Variants in OTOGL observed in about 807,000 individuals in gnomAD.
OTOGL encodes otogelin-like protein.
In OTOGL, 285 loss-of-function variants were observed where a neutral mutation model predicts 318.5. The observed-to-expected ratio is 0.89, with a 90% CI of 0.81 to 0.99. OTOGL has a LOEUF of 0.99. OTOGL is among the 50% of genes least tolerant of loss of function. The pLI is 0.00. For synonymous variants in OTOGL, 987 were observed against 936.5 expected, an observed-to-expected ratio of 1.05 and a Z score of -0.99; for missense variants, 2,899 against 2,845.6, an observed-to-expected ratio of 1.02 and a Z score of -0.43.
chr12:80,209,872 C>G (rs1043268075), intron 2 of OTOGL, among the ~76,000 whole-genome samples: 5 of 151,870 alleles, frequency 3.3e-5, no homozygotes, highest in Non-Finnish European at 7.4e-5. Context: ...CTTTTTTCTT[C>G]TAAAAGATGA....
At chr12:80,270,495 A>G (rs1283860635) in intron 23 of OTOGL, among the ~76,000 whole-genome samples, 16 of 152,120 alleles carry the variant, frequency 1.1e-4, no homozygotes, top group Admixed American at 1.0e-3. Context: ...TGGGACAGAA[A>G]TTGGGAAAAT....
At chr12:80,124,931 A>G (rs201392269) in intron 1 of OTOGL, among the ~76,000 whole-genome samples, 1 of 152,144 alleles carries the variant, frequency 6.6e-6, no homozygotes, top group Non-Finnish European at 1.5e-5. Flanking sequence ...GCTGAAGGAG[A>G]TTTTGGGCTG....
chr12:80,146,482 G>T (rs1406677076), intron 1 of OTOGL, among the ~76,000 whole-genome samples: 3 of 151,704 alleles, frequency 2.0e-5, no homozygotes, highest in Non-Finnish European at 4.4e-5. Context: ...GAGGATTTTT[G>T]CATCAATATT....
At chr12:80,360,509 G>T (rs1341886149) in intron 52 of OTOGL, among the ~76,000 whole-genome samples, 7 of 142,160 alleles carry the variant, frequency 4.9e-5, no homozygotes, top group Non-Finnish European at 9.0e-5. Flanking sequence ...TTTCTTTCTT[G>T]TCTTGCTCTG....
intron 37 of OTOGL, among the ~76,000 whole-genome samples, chr12:80,329,645 T>A (rs1887945079): frequency 6.6e-6 from 1 of 152,192 alleles, no homozygotes; most frequent in Non-Finnish European, 1.5e-5. Context: ...CTTGCTTTCC[T>A]CCCGCCCTGT....
intron 46 of OTOGL, among the ~76,000 whole-genome samples, chr12:80,353,919 A>G (rs1467487360): frequency 6.6e-6 from 1 of 152,174 alleles, no homozygotes; most frequent in Non-Finnish European, 1.5e-5. Flanking sequence ...AGTAGAAAGC[A>G]TTTTGCATTT....
intron 1 of OTOGL, among the ~76,000 whole-genome samples, chr12:80,153,405 G>C (rs1356502845): frequency 6.6e-6 from 1 of 152,078 alleles, no homozygotes; most frequent in Admixed American, 6.6e-5. Context: ...CATCACATTG[G>C]GGATTAAGTT....
At chr12:80,133,374 A>G (rs574654499) in intron 1 of OTOGL, 3 of 152,300 alleles carry the variant, frequency 2.0e-5, no homozygotes, top group African/African-American at 7.2e-5. Flanking sequence ...ATGCTTATAT[A>G]TGAAATTTAC....
At chr12:80,113,384 C>A (rs887467294) in intron 1 of OTOGL, among the ~76,000 whole-genome samples, 1 of 152,140 alleles carries the variant, frequency 6.6e-6, no homozygotes, top group Non-Finnish European at 1.5e-5. Flanking sequence ...CTCCTGTGGG[C>A]ATTTAGTGCT....
intron 22 of OTOGL, among the ~76,000 whole-genome samples, 155 bp downstream of exon 22, chr12:80,267,482 C>T (rs563499941): frequency 1.3e-4 from 19 of 150,620 alleles, no homozygotes; most frequent in Non-Finnish European, 2.5e-4. Flanking sequence ...TACATGTGTG[C>T]CATGTTGGTG....
intron 29 of OTOGL, among the ~76,000 whole-genome samples, chr12:80,309,129 T>G (rs1042058494): frequency 6.6e-6 from 1 of 152,248 alleles, no homozygotes; most frequent in African/African-American, 2.4e-5. Flanking sequence ...TCAGGTCATT[T>G]AAAAAATTCA....
chr12:80,285,950 G>A (rs142895648), intron 26 of OTOGL, among the ~76,000 whole-genome samples: 17,375 of 152,016 alleles, frequency 0.11, 1,329 homozygotes, highest in African/African-American at 0.21. Context: ...GTCTTGTGCC[G>A]GTTTTCAAAG....
At chr12:80,188,549 AAT>A (rs1459569585) in intron 1 of OTOGL, among the ~76,000 whole-genome samples, 19 of 144,694 alleles carry the variant, frequency 1.3e-4, no homozygotes, top group African/African-American at 1.3e-4. Context: ...AAAAAAAAAT[AAT>A]AATAATAATA....
intron 29 of OTOGL, among the ~76,000 whole-genome samples, chr12:80,308,267 G>A (rs1287233025): frequency 1.5e-4 from 23 of 150,672 alleles, no homozygotes; most frequent in Non-Finnish European, 2.4e-4. Context: ...GCTGCCGGGC[G>A]GAGGGGCTCC....
chr12:80,107,721 T>C (rs1235120368), intron 1 of OTOGL, among the ~76,000 whole-genome samples: 2 of 151,944 alleles, frequency 1.3e-5, no homozygotes, highest in Non-Finnish European at 2.9e-5. Context: ...AGTGGTAGAC[T>C]AGATAAAGAA....
At chr12:80,323,985 A>G (rs1333589281) in intron 35 of OTOGL, 145 bp downstream of exon 35, 6 of 674,392 alleles carry the variant, frequency 8.9e-6, no homozygotes, top group Non-Finnish European at 1.3e-5. Flanking sequence ...GCTTAAATCA[A>G]GAAGTAGTTA....
chr12:80,125,506 G>T lies in OTOGL; in HGVS notation c.-20+25901G>T, dbSNP rs906292423. 3.5e-4 allele frequency among the ~76,000 whole-genome samples: 53 copies of T among 152,084 alleles called. 1 individual carries two copies. Among genetic ancestry groups the T allele is most frequent in the Non-Finnish European group, 5.6e-4 (38 of 67,968 alleles). On this transcript the variant is annotated intron_variant, in intron 1 of 58. Coordinates refer to ENST00000547103, the MANE Select transcript of OTOGL (RefSeq NM_001378609.3). ...ATATTGGTCTAAAATTCTCTTTTTT[G>T]ATTGTGTCTCTGCCAGGCTTTGGTA...
At chr12:80,105,237 A>G (rs1869388704) in intron 1 of OTOGL, among the ~76,000 whole-genome samples, 2 of 152,234 alleles carry the variant, frequency 1.3e-5, no homozygotes, top group African/African-American at 2.4e-5. Flanking sequence ...AATAGCAGTA[A>G]GTGTGAGTTT....
chr12:80,113,569 AG>A (rs1226717207), intron 1 of OTOGL, among the ~76,000 whole-genome samples: 4 of 152,106 alleles, frequency 2.6e-5, no homozygotes, highest in Non-Finnish European at 5.9e-5. Flanking sequence ...GTTTTGATTG[AG>A]TTTCTTAATC....
Sources: gnomAD v4.1 joint callset for allele counts (sites outside exome capture counted in the v4.1 genomes callset) on GRCh38, gnomAD v4.1.1 for gene constraint, MANE v1.5 for transcripts, NCBI Gene and HGNC (gene_info 2026-07-23, HGNC 2026-07-21) for gene names.